The following PCDH15 variants were observed in gnomAD, a reference collection of about 807,000 sequenced individuals.
PCDH15 encodes protocadherin-15.
PCDH15 carries 129 observed loss-of-function variants against 178.5 expected under a neutral mutation model. The observed-to-expected ratio is 0.72, with a 90% CI of 0.63 to 0.84. The LOEUF is 0.84. Ranked by LOEUF, PCDH15 falls within the 40% of genes least tolerant of loss-of-function variation. PCDH15 has a pLI of 0.00. For synonymous variants in PCDH15, 800 were observed against 732.0 expected, an observed-to-expected ratio of 1.09 and a Z score of -1.50; for missense variants, 2,230 against 2,099.9, an observed-to-expected ratio of 1.06 and a Z score of -1.21.
intron 1 of PCDH15, among the ~76,000 whole-genome samples, chr10:54,736,063 T>C (rs1465502972): frequency 1.3e-5 from 2 of 152,172 alleles, no homozygotes; most frequent in East Asian, 3.9e-4. Flanking sequence ...ATCTCGACTT[T>C]CTTTCCTTAG....
chr10:54,785,323 A>G (rs1950754609), intron 1 of PCDH15, among the ~76,000 whole-genome samples: 1 of 151,914 alleles, frequency 6.6e-6, no homozygotes, highest in Admixed American at 6.6e-5. Flanking sequence ...CTCAGTATTA[A>G]TACTAGAATA....
At position 54,153,028 on chromosome 10, in the gene PCDH15, G is replaced by A. The variant is rs1159762560; in HGVS notation, c.1784+72C>T. 11 of 1,516,954 alleles carry A rather than the reference G, an allele frequency of 7.3e-6. No individual in the cohort carries two copies. In the South Asian group the frequency reaches 9.3e-5, roughly 13 times the overall value. 94.0% of individuals were successfully genotyped at this position (1,516,954 alleles called of 1,614,324 possible). On this transcript the variant is annotated intron_variant, in intron 14 of 37. Transcript: ENST00000644397. ...TTTATAGGATAAAAGAATACTTGCC[G>A]CGCTTCTTAAATTTAATTACAGGGT...
intron 3 of PCDH15, among the ~76,000 whole-genome samples, chr10:54,427,224 C>T (rs1229627446): frequency 6.8e-6 from 1 of 146,502 alleles, no homozygotes; most frequent in Non-Finnish European, 1.5e-5. Context: ...TCTTATTTCT[C>T]CTTATTTCTT....
intron 2 of PCDH15, among the ~76,000 whole-genome samples, chr10:55,007,241 C>T (rs1411322254): frequency 6.6e-6 from 1 of 152,164 alleles, no homozygotes; most frequent in East Asian, 1.9e-4. Flanking sequence ...AATACAGTAA[C>T]AGCCTAATAC....
At chr10:54,171,143 C>T (rs1344022584) in intron 13 of PCDH15, among the ~76,000 whole-genome samples, 1 of 152,080 alleles carries the variant, frequency 6.6e-6, no homozygotes, top group Non-Finnish European at 1.5e-5. Flanking sequence ...GCCTTCCCAC[C>T]TCAATACAGT....
At chr10:55,022,657 C>T (rs1840359618) in intron 2 of PCDH15, among the ~76,000 whole-genome samples, 1 of 150,264 alleles carries the variant, frequency 6.7e-6, no homozygotes, top group African/African-American at 2.4e-5. Flanking sequence ...AGAAAAATAA[C>T]TTTGTAAGAT....
chr10:54,462,646 T>C (rs2077262198), intron 3 of PCDH15, among the ~76,000 whole-genome samples: 1 of 145,518 alleles, frequency 6.9e-6, no homozygotes, highest in Non-Finnish European at 1.5e-5. Flanking sequence ...TTCCCCAGTC[T>C]GGAAATACAG....
At chr10:55,377,649 G>T (rs1837432677) in intron 2 of PCDH15, among the ~76,000 whole-genome samples, 1 of 151,892 alleles carries the variant, frequency 6.6e-6, no homozygotes, top group Non-Finnish European at 1.5e-5. Context: ...AGGCCTCTTT[G>T]ATCATTACAA....
intron 2 of PCDH15, among the ~76,000 whole-genome samples, chr10:55,534,445 A>C (rs573152767): frequency 6.6e-6 from 1 of 152,208 alleles, no homozygotes; most frequent in Admixed American, 6.6e-5. Flanking sequence ...GAAAATATAC[A>C]GGTGACCATC....
At chr10:54,138,797 A>G (rs1458614704) in intron 14 of PCDH15, among the ~76,000 whole-genome samples, 1 of 152,204 alleles carries the variant, frequency 6.6e-6, no homozygotes, top group African/African-American at 2.4e-5. Flanking sequence ...TATGTAAACC[A>G]GTGAGTTTCT....
rs1490580203 is a variant in PCDH15, at chr10:54,242,173, T to C, written c.877-5242A>G. On this transcript the variant is annotated intron_variant, in intron 8 of 37. Coordinates refer to ENST00000644397, the MANE Select transcript of PCDH15 (RefSeq NM_001384140.1). ...ATATATATATATATATATATATATA[T>C]ATATATATATATATACACACACACA... 1.2e-3 allele frequency among the ~76,000 whole-genome samples: 125 copies of C among 100,902 alleles called. 3 individuals carry two copies. The highest frequency in any genetic ancestry group is 3.6e-3 in the African/African-American group (88 of 24,726). 66.2% of individuals were successfully genotyped at this position (100,902 alleles called of 152,430 possible).
chr10:54,910,845 T>A (rs1352824470), intron 2 of PCDH15, among the ~76,000 whole-genome samples: 1 of 152,164 alleles, frequency 6.6e-6, no homozygotes, highest in Non-Finnish European at 1.5e-5. Context: ...GATCCAATAT[T>A]GTATCTCAAT....
intron 1 of PCDH15, among the ~76,000 whole-genome samples, chr10:55,189,783 T>C (rs1839894581): frequency 6.6e-6 from 1 of 151,782 alleles, no homozygotes; most frequent in Non-Finnish European, 1.5e-5. Flanking sequence ...TTGACAAAAA[T>C]TGGGGTAAAT....
chr10:54,612,629 ATATTC>A (rs2093000523), intron 2 of PCDH15, among the ~76,000 whole-genome samples: 1 of 151,726 alleles, frequency 6.6e-6, no homozygotes, highest in African/African-American at 2.4e-5. Flanking sequence ...GGCTCTTTTT[ATATTC>A]TAAACTATGT....
chr10:54,406,212 A>G (rs1386720065), intron 3 of PCDH15, among the ~76,000 whole-genome samples: 1 of 152,220 alleles, frequency 6.6e-6, no homozygotes. Flanking sequence ...TTCGTGAGCT[A>G]TGCATTAATG....
chr10:55,459,087 G>A (rs1341640091), intron 2 of PCDH15, among the ~76,000 whole-genome samples: 1 of 151,820 alleles, frequency 6.6e-6, no homozygotes, highest in African/African-American at 2.4e-5. Flanking sequence ...GAAGTACAGA[G>A]ATTATTATGT....
chr10:54,750,653 T>C (rs1946103644), intron 1 of PCDH15, among the ~76,000 whole-genome samples: 1 of 152,138 alleles, frequency 6.6e-6, no homozygotes, highest in South Asian at 2.1e-4. Flanking sequence ...TGAATTTATC[T>C]TTATGCTTAA....
At chr10:54,775,626 G>A (rs532153568) in intron 1 of PCDH15, among the ~76,000 whole-genome samples, 2 of 152,182 alleles carry the variant, frequency 1.3e-5, no homozygotes, top group South Asian at 2.1e-4. Flanking sequence ...GGCCGGGCGC[G>A]GTGGCTCACG....
chr10:54,485,026 G>A (rs2078998845), intron 3 of PCDH15, among the ~76,000 whole-genome samples: 1 of 151,882 alleles, frequency 6.6e-6, no homozygotes, highest in Non-Finnish European at 1.5e-5. Flanking sequence ...TTTGTGTGAA[G>A]ACACTCATAA....
Sources: allele counts gnomAD v4.1 joint callset (sites outside exome capture counted in the v4.1 genomes callset), GRCh38; gene constraint gnomAD v4.1.1; transcripts MANE v1.5; gene names NCBI Gene and HGNC (gene_info 2026-07-23, HGNC 2026-07-21).